CUX1: variants seen among roughly 807,000 people sequenced by gnomAD.
CUX1 encodes cut like homeobox 1.
A neutral mutation model predicts 158.8 loss-of-function variants in CUX1; 31 were observed. The observed-to-expected ratio is 0.20, with a 90% CI of 0.15 to 0.26. CUX1 has a LOEUF of 0.26. Ranked by LOEUF, CUX1 falls within the 10% of genes least tolerant of loss-of-function variation. The probability of loss-of-function intolerance (pLI) is 1.00; values close to 1 mark genes in which losing one functional copy is unlikely to be tolerated. For synonymous variants in CUX1, 879 were observed against 862.1 expected (o/e 1.02, Z -0.34); for missense variants, 1,589 against 2,014.6 (o/e 0.79, Z 4.04).
chr7:102,045,352 C>G (rs1585401393), intron 3 of CUX1, among the ~76,000 whole-genome samples: 1 of 152,188 alleles, frequency 6.6e-6, no homozygotes, highest in Non-Finnish European at 1.5e-5. Context: ...AGGAGCCGTG[C>G]GCCTGTGGAA....
At position 102,086,162 on chromosome 7, in the gene CUX1, T is replaced by C. The variant is rs1585601403; in HGVS notation, c.269-11202T>C. 2.6e-5 allele frequency among the ~76,000 whole-genome samples: 4 copies of C among 152,172 alleles called. No homozygotes were observed. In the South Asian group the frequency reaches 8.3e-4, roughly 31 times the overall value. Reference sequence around the variant, plus strand: ...TTTGTGAATCCTCCCCCCGGGCTTTTTTCCTTGATTAGTCTGGCTAGAGGC... The same window carrying C: ...TTTGTGAATCCTCCCCCCGGGCTTTCTTCCTTGATTAGTCTGGCTAGAGGC... On this transcript the variant is annotated intron_variant, in intron 4 of 23. Transcript: ENST00000292535.
At chr7:102,191,229 G>A (rs1554516857) in intron 12 of CUX1, among the ~76,000 whole-genome samples, 2 of 152,084 alleles carry the variant, frequency 1.3e-5, no homozygotes. Flanking sequence ...TTACTTACTT[G>A]CTTGCTTACT....
At chr7:101,880,995 T>C (rs1562960205) in intron 1 of CUX1, among the ~76,000 whole-genome samples, 1 of 152,216 alleles carries the variant, frequency 6.6e-6, no homozygotes, top group East Asian at 1.9e-4. Flanking sequence ...ATGTCTTTGA[T>C]TGATTTTGGG....
At chr7:102,258,277 C>T (rs1234136444), downstream of CUX1, 5 of 765,430 alleles carry the variant, frequency 6.5e-6, no homozygotes, top group Admixed American at 6.3e-5. Context: ...GGCCTGAGGA[C>T]GAGCAGCAAA....
intron 18 of CUX1, among the ~76,000 whole-genome samples, chr7:102,204,188 C>T (rs556342089): frequency 6.6e-6 from 1 of 152,202 alleles, no homozygotes; most frequent in African/African-American, 2.4e-5. Context: ...CCGAAAGTCC[C>T]CCTGTGCCGG....
At chr7:102,215,565 C>G (rs1006965918) in intron 20 of CUX1, among the ~76,000 whole-genome samples, 1 of 152,168 alleles carries the variant, frequency 6.6e-6, no homozygotes, top group African/African-American at 2.4e-5. Flanking sequence ...ATTAAGTACC[C>G]TTTCTCAACA....
intron 3 of CUX1, among the ~76,000 whole-genome samples, chr7:102,046,392 C>G (rs1372431002): frequency 6.6e-6 from 1 of 152,040 alleles, no homozygotes; most frequent in Non-Finnish European, 1.5e-5. Flanking sequence ...ACCACCACAC[C>G]TGGCTAATTT....
In CUX1 at chr7:102,227,512, C is replaced by G; in HGVS notation, c.3276C>G (p.Pro1092=). 8 of 1,614,088 alleles carry G rather than the reference C, an allele frequency of 5.0e-6. No homozygotes were observed. Among genetic ancestry groups the G allele is most frequent in the Non-Finnish European group, 6.8e-6 (8 of 1,180,024 alleles). The part of the protein sequence containing the change: ...EASKDSKPPE[P]SDPPASDSQP... ...GCAAGGACAGCAAGCCACCAGAGCC[C>G]AGTGACCCGCCAGCATCCGACTCCC... Residue 1092 remains proline (P), a synonymous_variant, in exon 21 of 24, where the codon CCC becomes CCG. Transcript: ENST00000292535.
Position 102,158,553 on chromosome 7 carries a change from C to T in CUX1, c.675-7C>T, listed in dbSNP as rs782464920. ...ACTAACCTGCTCTCTCCCTCTCACC[C>T]TCCTAGGGCCGACGAGATTGAAATG... On this transcript the variant is annotated splice_region_variant and splice_polypyrimidine_tract_variant and intron_variant, in intron 8 of 23. Transcript: ENST00000292535. 6.2e-7 allele frequency: 1 copy of T among 1,613,902 alleles called. No homozygotes were observed. Among genetic ancestry groups the T allele is most frequent in the Non-Finnish European group, 8.5e-7 (1 of 1,179,986 alleles).
chr7:101,974,539 C>T (rs1812399766), intron 2 of CUX1, among the ~76,000 whole-genome samples: 1 of 152,148 alleles, frequency 6.6e-6, no homozygotes, highest in Non-Finnish European at 1.5e-5. Context: ...ACATCACAGG[C>T]TATGAGATGA....
At chr7:101,865,369 A>G (rs1797840433) in intron 1 of CUX1, among the ~76,000 whole-genome samples, 2 of 152,232 alleles carry the variant, frequency 1.3e-5, no homozygotes, top group South Asian at 2.1e-4. Flanking sequence ...TTTTGAGAAC[A>G]TATTTCCTGA....
intron 19 of CUX1, 135 bp downstream of exon 19, chr7:102,204,691 T>A: frequency 8.5e-7 from 1 of 1,173,254 alleles, no homozygotes; most frequent in Non-Finnish European, 1.2e-6. Context: ...CTCCCCACCG[T>A]GGGCTGGTGC....
chr7:101,890,647 GGT>G (rs929960694), intron 1 of CUX1, among the ~76,000 whole-genome samples: 5 of 152,034 alleles, frequency 3.3e-5, no homozygotes, highest in Admixed American at 1.3e-4. Flanking sequence ...TATATAGAGA[GGT>G]TGGTGCGAAA....
At chr7:102,079,847 C>T (rs1324274336) in intron 4 of CUX1, among the ~76,000 whole-genome samples, 1 of 152,222 alleles carries the variant, frequency 6.6e-6, no homozygotes, top group Admixed American at 6.5e-5. Flanking sequence ...GTCCAGGATA[C>T]AGGTCCCTGG....
intron 17 of CUX1, among the ~76,000 whole-genome samples, chr7:102,276,556 C>A (rs1391796399): frequency 6.6e-6 from 1 of 152,226 alleles, no homozygotes; most frequent in East Asian, 1.9e-4. Flanking sequence ...CCCACCTCAG[C>A]CTCCTAAAGT....
At chr7:102,061,180 T>C (rs558399650) in intron 3 of CUX1, among the ~76,000 whole-genome samples, 13 of 152,206 alleles carry the variant, frequency 8.5e-5, no homozygotes, top group African/African-American at 2.9e-4. Flanking sequence ...TGCTTTGGCC[T>C]CCCAAAGTGC....
At chr7:102,114,158 A>G (rs973955578) in intron 7 of CUX1, among the ~76,000 whole-genome samples, 5 of 152,256 alleles carry the variant, frequency 3.3e-5, no homozygotes, top group Non-Finnish European at 7.3e-5. Context: ...TAGTCTCAAG[A>G]AATATTCATA....
At position 102,028,853 on chromosome 7, in the gene CUX1, C is replaced by T. The variant is rs1264099214; in HGVS notation, c.189+708C>T. Among the ~76,000 whole-genome samples, 10 of 152,170 alleles carry T rather than the reference C, an allele frequency of 6.6e-5. No individual in the cohort carries two copies. In the South Asian group the frequency reaches 8.3e-4, roughly 13 times the overall value. On this transcript the variant is annotated intron_variant, in intron 3 of 23. Coordinates refer to ENST00000292535, the MANE Select transcript of CUX1 (RefSeq NM_181552.4). Reference sequence around the variant, plus strand: ...AAAACCAGAAATTATATTATTCTTGCGGATTTATTGAATCTCACCTCTTTA... The same window carrying T: ...AAAACCAGAAATTATATTATTCTTGTGGATTTATTGAATCTCACCTCTTTA...
intron 2 of CUX1, among the ~76,000 whole-genome samples, chr7:101,984,566 C>G (rs1814032095): frequency 6.6e-6 from 1 of 150,686 alleles, no homozygotes; most frequent in African/African-American, 2.4e-5. Context: ...CTGTTGGGTG[C>G]AAGTCCTGCA....
Sources: allele counts gnomAD v4.1 joint callset (sites outside exome capture counted in the v4.1 genomes callset), GRCh38; gene constraint gnomAD v4.1.1; transcripts MANE v1.5; gene names NCBI Gene and HGNC (gene_info 2026-07-23, HGNC 2026-07-21).